Variants in ASIC2 observed in about 807,000 individuals in gnomAD.
ASIC2 encodes the protein acid-sensing ion channel 2.
Under a neutral mutation model 57.3 loss-of-function variants are expected in ASIC2, and 25 were observed. That is an observed-to-expected ratio of 0.44 (90% CI 0.32 to 0.61). The LOEUF is 0.61. ASIC2 is among the 20% of genes least tolerant of loss of function. ASIC2 has a pLI of 0.06. For missense variants in ASIC2, 641 were observed against 738.1 expected (o/e 0.87, Z 1.52); for synonymous variants, 319 against 307.5 (o/e 1.04, Z -0.39).
chr17:34,126,606 C>T (rs1425981177), intron 1 of ASIC2, among the ~76,000 whole-genome samples: 1 of 152,176 alleles, frequency 6.6e-6, no homozygotes, highest in Non-Finnish European at 1.5e-5. Flanking sequence ...TACCTCTCAT[C>T]CACTGTCAGG....
chr17:33,969,804 C>G (rs1905174351), intron 1 of ASIC2, among the ~76,000 whole-genome samples: 1 of 152,108 alleles, frequency 6.6e-6, no homozygotes, highest in Non-Finnish European at 1.5e-5. Context: ...GTCCCAGGTG[C>G]TTGTTGTAGA....
At chr17:33,198,500 G>A (rs1337089954) in intron 1 of ASIC2, among the ~76,000 whole-genome samples, 1 of 152,198 alleles carries the variant, frequency 6.6e-6, no homozygotes, top group African/African-American at 2.4e-5. Context: ...ACCCACAAAT[G>A]CCCTGCAGAC....
intron 3 of ASIC2, among the ~76,000 whole-genome samples, chr17:33,080,862 C>G (rs1262937130): frequency 6.6e-6 from 1 of 152,034 alleles, no homozygotes; most frequent in Non-Finnish European, 1.5e-5. Flanking sequence ...TGGGATGGTG[C>G]GAGATTTCAT....
At chr17:33,377,433 T>A (rs1171065018) in intron 1 of ASIC2, among the ~76,000 whole-genome samples, 1 of 152,238 alleles carries the variant, frequency 6.6e-6, no homozygotes, top group Non-Finnish European at 1.5e-5. Context: ...AATGGCTCCT[T>A]GAGAATTTCT....
intron 1 of ASIC2, among the ~76,000 whole-genome samples, chr17:33,872,923 C>G (rs957805058): frequency 5.9e-5 from 9 of 152,040 alleles, no homozygotes; most frequent in Non-Finnish European, 1.3e-4. Flanking sequence ...GTTCCACAAG[C>G]CTGGGGTGGG....
intron 1 of ASIC2, among the ~76,000 whole-genome samples, chr17:33,712,310 A>G (rs1909061261): frequency 6.6e-6 from 1 of 152,202 alleles, no homozygotes; most frequent in Non-Finnish European, 1.5e-5. Flanking sequence ...TTCTGGCCCC[A>G]CAGCACACAA....
At chr17:34,152,610 A>G (rs1904569047) in intron 1 of ASIC2, among the ~76,000 whole-genome samples, 2 of 152,140 alleles carry the variant, frequency 1.3e-5, no homozygotes, top group South Asian at 4.1e-4. Context: ...CCCACCTTCC[A>G]TCTTTGTAGC....
At chr17:33,055,880 G>A (rs973936202) in intron 3 of ASIC2, among the ~76,000 whole-genome samples, 3 of 152,176 alleles carry the variant, frequency 2.0e-5, no homozygotes, top group African/African-American at 7.2e-5. Flanking sequence ...GGATCACCCA[G>A]GGCAGTGGTT....
intron 1 of ASIC2, among the ~76,000 whole-genome samples, chr17:33,814,258 A>G (rs1468641558): frequency 6.6e-6 from 1 of 152,218 alleles, no homozygotes; most frequent in African/African-American, 2.4e-5. Context: ...CTCCATGGGA[A>G]GCAAAGAAAA....
chr17:33,568,135 ACAGT>A (rs1916304408), intron 1 of ASIC2, among the ~76,000 whole-genome samples: 2 of 152,270 alleles, frequency 1.3e-5, no homozygotes, highest in South Asian at 4.1e-4. Flanking sequence ...TGGTCCTCTC[ACAGT>A]CAAACATGAC....
intron 1 of ASIC2, among the ~76,000 whole-genome samples, chr17:34,008,858 T>C (rs1241290639): frequency 1.3e-5 from 2 of 152,130 alleles, no homozygotes; most frequent in Non-Finnish European, 2.9e-5. Context: ...CATTTGTTTT[T>C]CAAAAATGAA....
At chr17:33,897,318 C>G (rs141031720) in intron 1 of ASIC2, among the ~76,000 whole-genome samples, 1 of 152,150 alleles carries the variant, frequency 6.6e-6, no homozygotes, top group Non-Finnish European at 1.5e-5. Context: ...AATGGTTTTG[C>G]CCCAAAGCCT....
chr17:33,278,448 C>A (rs1904799160), intron 1 of ASIC2, among the ~76,000 whole-genome samples: 1 of 151,676 alleles, frequency 6.6e-6, no homozygotes, highest in South Asian at 2.1e-4. Context: ...AGATCATGCC[C>A]CTGTACTCCA....
At chr17:33,041,691 T>C (rs1368929022) in intron 3 of ASIC2, among the ~76,000 whole-genome samples, 1 of 152,226 alleles carries the variant, frequency 6.6e-6, no homozygotes, top group Non-Finnish European at 1.5e-5. Flanking sequence ...TGCACTCTGC[T>C]GAACCAGGCT....
chr17:34,097,826 G>T (rs960278373), intron 1 of ASIC2, among the ~76,000 whole-genome samples: 1 of 152,112 alleles, frequency 6.6e-6, no homozygotes, highest in African/African-American at 2.4e-5. Context: ...ACTGCATGAG[G>T]TGGGCATTTT....
chr17:33,447,912 CA>C (rs34092157), intron 1 of ASIC2, among the ~76,000 whole-genome samples: 20,897 of 72,986 alleles, frequency 0.29, 979 homozygotes, highest in East Asian at 0.42. Context: ...GACTCAGTCT[CA>C]AAAAAAAAAA....
intron 1 of ASIC2, among the ~76,000 whole-genome samples, chr17:33,952,485 T>C (rs775056442): frequency 3.6e-4 from 55 of 152,204 alleles, no homozygotes; most frequent in Admixed American, 6.5e-4. Context: ...GAAGCTAATA[T>C]ATGTAAATTA....
At chr17:33,520,856 A>C (rs2141954976) in intron 1 of ASIC2, among the ~76,000 whole-genome samples, 1 of 152,290 alleles carries the variant, frequency 6.6e-6, no homozygotes, top group African/African-American at 2.4e-5. Flanking sequence ...GTATTTTGAA[A>C]TTGACATTCA....
chr17:33,544,450 TG>T (rs1230659428), intron 1 of ASIC2, among the ~76,000 whole-genome samples: 1 of 152,228 alleles, frequency 6.6e-6, no homozygotes, highest in Non-Finnish European at 1.5e-5. Context: ...TGTTTAACTT[TG>T]CAAGAACCTA....
Sources: gnomAD v4.1 joint callset for allele counts (sites outside exome capture counted in the v4.1 genomes callset) on GRCh38, gnomAD v4.1.1 for gene constraint, MANE v1.5 for transcripts, NCBI Gene and HGNC (gene_info 2026-07-23, HGNC 2026-07-21) for gene names.